ZFPM2: variants seen among roughly 807,000 people sequenced by gnomAD.
The protein encoded by ZFPM2 is zinc finger protein ZFPM2.
A neutral mutation model predicts 98.6 loss-of-function variants in ZFPM2; 20 were observed. The ratio of observed to expected loss-of-function variants is 0.20; its 90% confidence interval spans 0.14 to 0.29. The LOEUF (loss-of-function observed/expected upper bound fraction) is 0.29. ZFPM2 is among the 10% of genes least tolerant of loss of function. The probability of loss-of-function intolerance (pLI) is 1.00; values close to 1 mark genes in which losing one functional copy is unlikely to be tolerated. For synonymous variants in ZFPM2, 518 were observed against 502.7 expected (o/e 1.03, Z -0.41); for missense variants, 1,310 against 1,388.6 (o/e 0.94, Z 0.90).
At chr8:105,536,734 T>C (rs544776024) in intron 3 of ZFPM2, among the ~76,000 whole-genome samples, 6 of 152,032 alleles carry the variant, frequency 3.9e-5, no homozygotes, top group African/African-American at 9.7e-5. Context: ...TATGAAAGCA[T>C]GGGGGCAGTC....
intron 5 of ZFPM2, among the ~76,000 whole-genome samples, chr8:105,635,020 C>A (rs529316506): frequency 6.6e-6 from 1 of 152,304 alleles, no homozygotes; most frequent in Non-Finnish European, 1.5e-5. Flanking sequence ...GCTGACTGTC[C>A]ATAGCACAGG....
intron 1 of ZFPM2, among the ~76,000 whole-genome samples, chr8:105,348,986 T>C (rs1313650788): frequency 6.6e-6 from 1 of 152,204 alleles, no homozygotes; most frequent in Non-Finnish European, 1.5e-5. Context: ...TTGTAAATAT[T>C]TGTTTCTCAG....
At chr8:105,515,563 T>A (rs148310508) in intron 3 of ZFPM2, among the ~76,000 whole-genome samples, 2 of 152,214 alleles carry the variant, frequency 1.3e-5, no homozygotes, top group Non-Finnish European at 2.9e-5. Flanking sequence ...CTACCCTGCA[T>A]TCTTGTATTA....
intron 3 of ZFPM2, among the ~76,000 whole-genome samples, chr8:105,518,833 A>G (rs907011066): frequency 2.6e-5 from 4 of 152,208 alleles, no homozygotes; most frequent in Admixed American, 2.6e-4. Flanking sequence ...ATAGACCACA[A>G]TTTTAAGGAA....
intron 2 of ZFPM2, among the ~76,000 whole-genome samples, chr8:105,420,131 AT>A (rs1435348927): frequency 6.6e-6 from 1 of 152,068 alleles, no homozygotes; most frequent in Non-Finnish European, 1.5e-5. Context: ...CTGGAAGTGT[AT>A]GTTTCTGTAT....
chr8:105,536,168 T>A (rs986095073), intron 3 of ZFPM2, among the ~76,000 whole-genome samples: 5 of 152,168 alleles, frequency 3.3e-5, no homozygotes, highest in African/African-American at 1.2e-4. Flanking sequence ...TCTGAAAGAA[T>A]AAAATGTAGC....
chr8:105,803,745 A>C lies in ZFPM2; in HGVS notation c.*207A>C, dbSNP rs1448392073. The C allele has an allele frequency of 2.5e-5, 14 of 558,012 alleles. No homozygotes were observed. The East Asian group carries it at 4.2e-4, about 17-fold the overall frequency. The allele number at this position is 558,012 out of a possible 1,614,324, so 34.6% of individuals were successfully genotyped here. ...ATTTTCAAAAAAATTAATTTATTTT[A>C]CCAGCAGTATTCATAGCTGTGGTTA... is the stretch of plus-strand genomic sequence containing the variant. On this transcript the variant is annotated 3_prime_UTR_variant, in exon 8 of 8. Coordinates refer to ENST00000407775, the MANE Select transcript of ZFPM2 (RefSeq NM_012082.4).
At chr8:105,656,643 T>G (rs1817291548) in intron 5 of ZFPM2, among the ~76,000 whole-genome samples, 1 of 152,134 alleles carries the variant, frequency 6.6e-6, no homozygotes, top group Non-Finnish European at 1.5e-5. Context: ...TTGCTTCTGG[T>G]TTTTCGAGTT....
intron 3 of ZFPM2, among the ~76,000 whole-genome samples, chr8:105,537,952 G>A (rs1456701969): frequency 1.3e-5 from 2 of 151,840 alleles, no homozygotes; most frequent in Non-Finnish European, 2.9e-5. Flanking sequence ...GGATGGTCTC[G>A]ATCTCCTGAC....
At chr8:105,389,681 G>A (rs1436461504) in intron 1 of ZFPM2, among the ~76,000 whole-genome samples, 17 of 152,340 alleles carry the variant, frequency 1.1e-4, no homozygotes, top group Admixed American at 9.1e-4. Flanking sequence ...TGTAGAGTCT[G>A]TGGTGCTTTG....
chr8:105,394,371 A>C (rs1447831694), intron 1 of ZFPM2, among the ~76,000 whole-genome samples: 2 of 152,112 alleles, frequency 1.3e-5, no homozygotes, highest in African/African-American at 4.8e-5. Flanking sequence ...GAAATGTATC[A>C]CTTTTCTCTT....
chr8:105,695,643 A>G (rs1343928427), intron 5 of ZFPM2, among the ~76,000 whole-genome samples: 1 of 152,154 alleles, frequency 6.6e-6, no homozygotes. Flanking sequence ...TTACTCATGC[A>G]TGCTGAGAAT....
intron 4 of ZFPM2, among the ~76,000 whole-genome samples, chr8:105,606,620 A>T (rs1816202652): frequency 6.6e-6 from 1 of 152,090 alleles, no homozygotes; most frequent in South Asian, 2.1e-4. Context: ...CACTCCATAA[A>T]TACTAACCAT....
chr8:105,674,716 T>C (rs978363014), intron 5 of ZFPM2, among the ~76,000 whole-genome samples: 1 of 152,112 alleles, frequency 6.6e-6, no homozygotes, highest in African/African-American at 2.4e-5. Flanking sequence ...TATTAGGTCT[T>C]TTGTGAAATT....
chr8:105,500,033 C>T (rs755400110), intron 3 of ZFPM2, among the ~76,000 whole-genome samples: 4 of 152,098 alleles, frequency 2.6e-5, no homozygotes, highest in Non-Finnish European at 4.4e-5. Context: ...TACTTGTCTC[C>T]GTTATTGCAG....
intron 3 of ZFPM2, among the ~76,000 whole-genome samples, chr8:105,547,047 C>G (rs1202172964): frequency 6.6e-6 from 1 of 151,926 alleles, no homozygotes; most frequent in African/African-American, 2.4e-5. Context: ...TGGTGGAGGA[C>G]AAAATATTAT....
At chr8:105,717,251 A>G (rs796992157) in intron 5 of ZFPM2, among the ~76,000 whole-genome samples, 1 of 151,968 alleles carries the variant, frequency 6.6e-6, no homozygotes, top group African/African-American at 2.4e-5. Flanking sequence ...AATAGCTAAC[A>G]TCTCTTTCTT....
chr8:105,370,195 G>T (rs1300189010), intron 1 of ZFPM2, among the ~76,000 whole-genome samples: 2 of 152,068 alleles, frequency 1.3e-5, no homozygotes, highest in Non-Finnish European at 2.9e-5. Context: ...GGGTGAGGGG[G>T]TAAGAAATAG....
intron 3 of ZFPM2, among the ~76,000 whole-genome samples, chr8:105,542,289 C>T (rs540813393): frequency 6.6e-6 from 1 of 152,058 alleles, no homozygotes; most frequent in South Asian, 2.1e-4. Flanking sequence ...TTATTTCTCC[C>T]CTTTGAATTG....
Sources: gnomAD v4.1 joint callset for allele counts (sites outside exome capture counted in the v4.1 genomes callset) on GRCh38, gnomAD v4.1.1 for gene constraint, MANE v1.5 for transcripts, NCBI Gene and HGNC (gene_info 2026-07-23, HGNC 2026-07-21) for gene names.